Variants in KANK1 observed in about 807,000 individuals in gnomAD.
KANK1 encodes the protein KN motif and ankyrin repeat domain-containing protein 1.
Under a neutral mutation model 106.2 loss-of-function variants are expected in KANK1, and 109 were observed. The ratio of observed to expected loss-of-function variants is 1.03; its 90% CI spans 0.88 to 1.20. KANK1 has a LOEUF of 1.20. KANK1 is among the 50% of genes most tolerant of loss of function. The probability of loss-of-function intolerance (pLI) is 0.00; values close to 1 mark genes in which losing one functional copy is unlikely to be tolerated. For synonymous variants in KANK1, 873 were observed against 652.2 expected, an observed-to-expected ratio of 1.34 and a Z score of -5.16; for missense variants, 2,399 against 1,710.7, an observed-to-expected ratio of 1.40 and a Z score of -7.10.
chr9:561,164 C>T (rs764346199), intron 1 of KANK1, among the ~76,000 whole-genome samples: 23 of 152,132 alleles, frequency 1.5e-4, no homozygotes, highest in Admixed American at 6.5e-5. Context: ...GAAAGGAGAG[C>T]AAAGTTAATT....
chr9:675,836 T>TAC (rs1193224310), intron 1 of KANK1, among the ~76,000 whole-genome samples: 6 of 152,328 alleles, frequency 3.9e-5, no homozygotes, highest in Non-Finnish European at 8.8e-5. Flanking sequence ...CAACTGATTA[T>TAC]ACACACAGTT....
At chr9:736,065 C>T (rs980093309) in intron 7 of KANK1, among the ~76,000 whole-genome samples, 2 of 152,154 alleles carry the variant, frequency 1.3e-5, no homozygotes, top group Non-Finnish European at 2.9e-5. Flanking sequence ...TCGGGCCATT[C>T]TCCTGCCTCA....
At chr9:723,473 G>T (rs910894496) in intron 3 of KANK1, among the ~76,000 whole-genome samples, 1 of 151,152 alleles carries the variant, frequency 6.6e-6, no homozygotes, top group Admixed American at 6.6e-5. Flanking sequence ...GTGCATTTTC[G>T]TGGGGCATGA....
intron 1 of KANK1, among the ~76,000 whole-genome samples, chr9:525,381 GTGT>G (rs1200964037): frequency 2.7e-5 from 4 of 150,908 alleles, no homozygotes; most frequent in Non-Finnish European, 5.9e-5. Flanking sequence ...GTGTGTGTGT[GTGT>G]ATTTATTTGA....
intron 1 of KANK1, among the ~76,000 whole-genome samples, chr9:675,424 C>A (rs1315928929): frequency 6.6e-6 from 1 of 152,054 alleles, no homozygotes; most frequent in South Asian, 2.1e-4. Context: ...AATGGGATTT[C>A]TATATGTACT....
intron 1 of KANK1, among the ~76,000 whole-genome samples, chr9:541,288 T>C (rs976709950): frequency 2.0e-5 from 3 of 152,190 alleles, no homozygotes; most frequent in African/African-American, 4.8e-5. Context: ...TACAGTCGGT[T>C]GGCTCTTTGA....
chr9:727,974 G>T (rs1831183079), intron 3 of KANK1, among the ~76,000 whole-genome samples: 1 of 151,978 alleles, frequency 6.6e-6, no homozygotes, highest in Admixed American at 6.6e-5. Flanking sequence ...TGTCAAACAT[G>T]CCTCATTATA....
At chr9:545,115 AG>A (rs1436703307) in intron 1 of KANK1, among the ~76,000 whole-genome samples, 3 of 151,526 alleles carry the variant, frequency 2.0e-5, no homozygotes, top group Non-Finnish European at 4.4e-5. Flanking sequence ...CATCAAGCCC[AG>A]TGCCCAGACT....
At chr9:613,872 G>A (rs1018462138) in intron 1 of KANK1, among the ~76,000 whole-genome samples, 2 of 152,170 alleles carry the variant, frequency 1.3e-5, no homozygotes, top group Non-Finnish European at 2.9e-5. Context: ...ACTGTCCTAA[G>A]TACTAAACAT....
At chr9:609,010 C>G (rs1264983334) in intron 1 of KANK1, among the ~76,000 whole-genome samples, 1 of 152,062 alleles carries the variant, frequency 6.6e-6, no homozygotes, top group Non-Finnish European at 1.5e-5. Context: ...CTTCCTTGTT[C>G]AGTTACCCTT....
At chr9:473,596 G>A (rs970564434) in intron 3 of KANK1, among the ~76,000 whole-genome samples, 3 of 152,164 alleles carry the variant, frequency 2.0e-5, no homozygotes, top group Admixed American at 6.5e-5. Context: ...TTAGCTATGG[G>A]TATTCACCAC....
chr9:518,338 T>C (rs62531464), intron 1 of KANK1, among the ~76,000 whole-genome samples: 7,995 of 151,694 alleles, frequency 0.053, 320 homozygotes, highest in Non-Finnish European at 0.077. Context: ...GTATTTAAGC[T>C]CCGCTCCCAG....
intron 1 of KANK1, among the ~76,000 whole-genome samples, chr9:555,930 C>T (rs1378444110): frequency 6.6e-6 from 1 of 152,180 alleles, no homozygotes; most frequent in Admixed American, 6.5e-5. Flanking sequence ...ACATCATTAA[C>T]TTGTGTAGAC....
chr9:601,781 A>G (rs531228661), intron 1 of KANK1, among the ~76,000 whole-genome samples: 3 of 151,878 alleles, frequency 2.0e-5, no homozygotes, highest in South Asian at 4.1e-4. Flanking sequence ...ACTTCCTCAC[A>G]TTATGGCATC....
rs541340005 is a variant in KANK1 at position 641,619 on chromosome 9, C to G, written c.-83-35271C>G. ...TCCTCAAATCCTAACTGCAAGGAAG[C>G]GTAGCCTGTGTCCTTTGTTGATGGA... On this transcript the variant is annotated intron_variant, in intron 1 of 11. Transcript: ENST00000382297. Among the ~76,000 whole-genome samples, 93 of 152,276 alleles carry G rather than the reference C, an allele frequency of 6.1e-4. 1 individual carries two copies. Among genetic ancestry groups the G allele is most frequent in the African/African-American group, 2.2e-3 (91 of 41,542 alleles).
rs1166411348 is a variant in KANK1 at position 710,865 on chromosome 9, G to A, written c.99G>A (p.Val33=). 1.9e-6 allele frequency: 3 copies of A among 1,613,564 alleles called. No individual in the cohort carries two copies. The African/African-American group carries it at 4.0e-5, about 22-fold the overall frequency. Residue 33 remains valine (V), a synonymous_variant, in exon 3 of 12, where the codon GTG becomes GTA. Coordinates refer to ENST00000382297, the MANE Select transcript of KANK1 (RefSeq NM_015158.5). The part of the protein sequence containing the change: ...QDKEQKDPYF[V]ETPYGYQLDL... The stretch of plus-strand genomic sequence containing the variant: ...AGGAACAGAAAGACCCTTACTTTGT[G>A]GAGACCCCCTATGGTTATCAACTAG...
chr9:659,908 C>A, intron 1 of KANK1: 1 of 163,814 alleles, frequency 6.1e-6, no homozygotes. Flanking sequence ...ACTGAGCCGC[C>A]ACTGCCAAGG....
intron 3 of KANK1, among the ~76,000 whole-genome samples, chr9:729,618 A>G (rs1266649524): frequency 6.6e-6 from 1 of 152,134 alleles, no homozygotes; most frequent in Admixed American, 6.5e-5. Context: ...ATAGTTTAGA[A>G]TCTCTGGCTC....
intron 2 of KANK1, among the ~76,000 whole-genome samples, chr9:700,728 G>T (rs879839665): frequency 2.0e-5 from 3 of 152,174 alleles, no homozygotes; most frequent in Non-Finnish European, 4.4e-5. Context: ...AATTAGCAAA[G>T]TTCTTCAGTT....
Sources: allele counts gnomAD v4.1 joint callset (sites outside exome capture counted in the v4.1 genomes callset), GRCh38; gene constraint gnomAD v4.1.1; transcripts MANE v1.5; gene names NCBI Gene and HGNC (gene_info 2026-07-23, HGNC 2026-07-21).